PDGFRB: variants seen among roughly 807,000 people sequenced by gnomAD.
The protein encoded by PDGFRB is platelet-derived growth factor receptor beta.
In PDGFRB, 42 loss-of-function variants were observed where a neutral mutation model predicts 120.2. The observed-to-expected ratio is 0.35, with a 90% CI of 0.27 to 0.45. The LOEUF (loss-of-function observed/expected upper bound fraction) is 0.45, where lower values mean the gene tolerates loss of function less well. Among genes scored for constraint, PDGFRB ranks in the 20% least tolerant of loss-of-function variants. The pLI is 1.00. For synonymous variants in PDGFRB, 586 were observed against 606.8 expected, an observed-to-expected ratio of 0.97 and a Z score of 0.50; for missense variants, 1,149 against 1,476.3, an observed-to-expected ratio of 0.78 and a Z score of 3.63.
chr5:150,115,945 A>G lies in PDGFRB; in HGVS notation c.3139T>C (p.Ser1047Pro), dbSNP rs752920926. 28 of 1,561,690 alleles carry G rather than the reference A, an allele frequency of 1.8e-5. No homozygotes were observed. In the Admixed American group the frequency reaches 2.7e-4, roughly 15 times the overall value. The change falls in exon 23 of 23, where the codon TCC (serine) becomes CCC (proline). Residue 1047 changes from serine (S) to proline (P), a missense_variant and splice_region_variant. By Grantham distance (74) the Ser-to-Pro change is moderately conservative. This residue lies in a region of PDGFRB where 202 missense variants were observed against 214.3 expected (regional missense o/e 0.94). Transcript: ENST00000261799. ...GAGGTGTTGACTTCATTCAGGGTGG[A>G]GCTAGAGGAAAGAGGCAGTGAGTGA... The part of the protein sequence containing the change: ...PLEGSPSLAS[S>P]TLNEVNTSST...
At position 150,141,023 on chromosome 5, in the gene PDGFRB, G is replaced by T. The variant is rs919970612; in HGVS notation, c.-6-3970C>A. Among the ~76,000 whole-genome samples the T allele has an allele frequency of 3.3e-5, 5 of 152,170 alleles. No individual in the cohort carries two copies. In the South Asian group the frequency reaches 1.0e-3, roughly 32 times the overall value. ...GCATTGCTGCGGGGGTTGATGGGGGGAGCCTGCACATGGTCAGCACATACA... is the reference window on the plus strand; with the variant it reads ...GCATTGCTGCGGGGGTTGATGGGGGTAGCCTGCACATGGTCAGCACATACA... On this transcript the variant is annotated intron_variant, in intron 1 of 22. Transcript: ENST00000261799.
intron 1 of PDGFRB, among the ~76,000 whole-genome samples, chr5:150,145,784 C>T (rs1243245970): frequency 6.6e-6 from 1 of 152,038 alleles, no homozygotes; most frequent in East Asian, 1.9e-4. Context: ...GCCTGTAATC[C>T]CAGCTTCTCG....
In PDGFRB at chr5:150,132,842, C is replaced by G. The variant is rs55889271; in HGVS notation, c.1035G>C (p.Pro345=). ...TLQVVFEAYP[P]PTVLWFKDNR... is the part of the protein sequence containing the mutation. ...TGTCTTTGAACCACAGGACAGTGGG[C>G]GGTGGGTAGGCCTCGAACACTACCT... Residue 345 remains proline, a synonymous_variant, in exon 7 of 23, where the codon CCG becomes CCC. Transcript: ENST00000261799. The surrounding 1 kb of genome is among the most constrained non-coding windows in gnomAD (Gnocchi z 5.0). The G allele has an allele frequency of 1.2e-6, 2 of 1,610,240 alleles. No individual in the cohort carries two copies. The highest frequency in any genetic ancestry group is 4.5e-5 in the East Asian group (2 of 44,752).
At chr5:150,136,970 G>GC (rs764562945) in intron 2 of PDGFRB, 38 bp downstream of exon 2, 9 of 1,566,824 alleles carry the variant, frequency 5.7e-6, no homozygotes, top group East Asian at 2.2e-5. Context: ...CCACTCCGCA[G>GC]CCCCCCGGGT....
Position 150,121,145 on chromosome 5 carries a change from C to T in PDGFRB, c.2463+59G>A. The T allele has an allele frequency of 7.5e-7, 1 of 1,341,174 alleles. No homozygotes were observed. The highest frequency in any genetic ancestry group is 1.2e-5 in the South Asian group (1 of 85,530). 83.1% of individuals were successfully genotyped at this position (1,341,174 alleles called of 1,614,324 possible). A position where few individuals can be genotyped will look rare whatever the true frequency, so the allele number is the denominator to read the frequency against. ...CTGGTGTGCTCTTGGAGGATGCTGG[C>T]TGGCTGGGTGACCCACCTCCCCACA... On this transcript the variant is annotated intron_variant, in intron 17 of 22. Transcript: ENST00000261799. The surrounding 1 kb of genome is among the most constrained non-coding windows in gnomAD (Gnocchi z 4.1).
chr5:150,117,544 GCACA>G lies in PDGFRB; in HGVS notation c.3137+70_3137+73del, dbSNP rs3836743. The G allele has an allele frequency of 0.051, 25,874 of 510,000 alleles. 317 individuals are homozygous for G. Among genetic ancestry groups the G allele is most frequent in the East Asian group, 0.12 (3,812 of 31,376 alleles). 31.6% of individuals were successfully genotyped at this position (510,000 alleles called of 1,614,324 possible). ...AACCTGGCAGCGCGCGCGCGCGCGC[GCACA>G]CACACACACACACACACACACACAC... is the stretch of plus-strand genomic sequence containing the variant. On this transcript the variant is annotated intron_variant, in intron 22 of 22. Coordinates refer to ENST00000261799, the MANE Select transcript of PDGFRB (RefSeq NM_002609.4).
chr5:150,127,453 C>A (rs188587361), intron 10 of PDGFRB, among the ~76,000 whole-genome samples: 12 of 152,308 alleles, frequency 7.9e-5, no homozygotes, highest in African/African-American at 2.4e-4. Context: ...ATTGCTATAA[C>A]CTCAGTCCCT....
rs753583697 is a variant in PDGFRB at position 150,135,769 on chromosome 5, G to C, written c.150C>G (p.Phe50Leu). ...PELVLNVSSTFVLTCSGSAPV... is the reference protein window; with the variant it reads ...PELVLNVSSTLVLTCSGSAPV... ...GAGCTGAACCCGAGCAGGTCAGAAC[G>C]AAGGTGCTGGAGACATTGAGGACAA... The change falls in exon 3 of 23, where the codon TTC becomes TTG. Residue 50 changes from phenylalanine to leucine, a missense_variant. Around this residue, in one of 3 missense-constraint regions of PDGFRB, gnomAD observed 879 missense variants for 1,108.6 expected, o/e 0.79. Transcript: ENST00000261799. 6.2e-7 allele frequency: 1 copy of C among 1,613,042 alleles called. No homozygotes were observed. The highest frequency in any genetic ancestry group is 1.7e-5 in the Admixed American group (1 of 59,890).
At chr5:150,130,243 T>C (rs1760424616) in intron 9 of PDGFRB, among the ~76,000 whole-genome samples, 1 of 152,206 alleles carries the variant, frequency 6.6e-6, no homozygotes, top group Non-Finnish European at 1.5e-5. Context: ...CCTGCCTCTG[T>C]CCACTGCATT....
At position 150,126,607 on chromosome 5, in the gene PDGFRB, G is replaced by C; in HGVS notation, c.1587C>G (p.Pro529=). The C allele has an allele frequency of 1.3e-6, 2 of 1,593,756 alleles. No individual in the cohort carries two copies. Among genetic ancestry groups the C allele is most frequent in the Non-Finnish European group, 1.7e-6 (2 of 1,161,606 alleles). The change falls in exon 11 of 23, where the codon CCC becomes CCG. Residue 529 remains proline (P), a synonymous_variant. Coordinates refer to ENST00000261799, the MANE Select transcript of PDGFRB (RefSeq NM_002609.4). ...QEVIVVPHSL[P]FKVVVISAIL... ...TGGCTGAGATCACCACCACCTTAAA[G>C]GGCAAGGCTGGAGGCAGAGATGAGA... is the stretch of plus-strand genomic sequence containing the variant.
Position 150,135,587 on chromosome 5 carries a change from T to A in PDGFRB, c.332A>T (p.Asp111Val). ...THNDSRGLETDERKRLYIFVP... is the reference protein window; with the variant it reads ...THNDSRGLETVERKRLYIFVP... Reference sequence around the variant, plus strand: ...AAAGATGTAGAGCCGTTTCCGCTCATCGGTCTCCAGTCCACGGGAGTCATT... The same window carrying A: ...AAAGATGTAGAGCCGTTTCCGCTCAACGGTCTCCAGTCCACGGGAGTCATT... Residue 111 changes from aspartate to valine, a missense_variant, in exon 3 of 23, where the codon GAT becomes GTT. Coordinates refer to ENST00000261799, the MANE Select transcript of PDGFRB (RefSeq NM_002609.4). The A allele has an allele frequency of 6.2e-7, 1 of 1,612,478 alleles. No individual in the cohort carries two copies. Among genetic ancestry groups the A allele is most frequent in the South Asian group, 1.1e-5 (1 of 90,826 alleles).
intron 1 of PDGFRB, among the ~76,000 whole-genome samples, chr5:150,141,017 TG>T (rs996844380): frequency 2.0e-5 from 3 of 151,990 alleles, no homozygotes; most frequent in African/African-American, 7.3e-5. Flanking sequence ...CGGGGGTTGA[TG>T]GGGGGAGCCT....
At position 150,132,904 on chromosome 5, in the gene PDGFRB, G is replaced by A; in HGVS notation, c.973C>T (p.Leu325=). The A allele has an allele frequency of 6.3e-7, 1 of 1,583,384 alleles. No individual in the cohort carries two copies. Among genetic ancestry groups the A allele is most frequent in the Non-Finnish European group, 8.6e-7 (1 of 1,166,016 alleles). The change falls in exon 7 of 23, where the codon CTA becomes TTA. Residue 325 remains leucine (L), a synonymous_variant. Coordinates refer to ENST00000261799, the MANE Select transcript of PDGFRB (RefSeq NM_002609.4). This position sits in a 1 kb window ranked among gnomAD's most constrained non-coding sequence, Gnocchi z 5.0. ...CTCCGATGCAGCTCAGCAAATTGTA[G>A]TGTGCCCACCTCTCCCAGGAGCCGC... ...YVRLLGEVGT[L]QFAELHRSRT...
chr5:150,144,576 C>T (rs943316019), intron 1 of PDGFRB, among the ~76,000 whole-genome samples: 4 of 152,246 alleles, frequency 2.6e-5, no homozygotes, highest in South Asian at 2.1e-4. Context: ...GCCCGAGCCC[C>T]GCTCTCCTGC....
chr5:150,120,772 C>T lies in PDGFRB; in HGVS notation c.2586+116G>A. ...GCCCATCACTGCTGTCAGGGCAGGC[C>T]ACAAGGAGCCCCACACAGATTTCCT... On this transcript the variant is annotated intron_variant, in intron 18 of 22. Coordinates refer to ENST00000261799, the MANE Select transcript of PDGFRB (RefSeq NM_002609.4). This position sits in a 1 kb window ranked among gnomAD's most constrained non-coding sequence, Gnocchi z 4.3. The T allele has an allele frequency of 2.0e-6, 2 of 989,146 alleles. No individual in the cohort carries two copies. The highest frequency in any genetic ancestry group is 1.6e-5 in the African/African-American group (1 of 62,776). The allele number at this position is 989,146 out of a possible 1,614,324, so 61.3% of individuals were successfully genotyped here.
intron 13 of PDGFRB, 33 bp from the exon 14 acceptor site, chr5:150,124,393 G>T: frequency 6.7e-7 from 1 of 1,496,664 alleles, no homozygotes; most frequent in Non-Finnish European, 9.3e-7. Flanking sequence ...GCCAGGCCCA[G>T]TCATGGAGGC....
chr5:150,151,497 C>A (rs912766973), intron 1 of PDGFRB, among the ~76,000 whole-genome samples: 1 of 152,180 alleles, frequency 6.6e-6, no homozygotes, highest in Non-Finnish European at 1.5e-5. Context: ...GGTGCAAATC[C>A]CAGCTCCGCC....
chr5:150,131,638 C>T (rs886492995), intron 8 of PDGFRB, among the ~76,000 whole-genome samples: 2 of 152,076 alleles, frequency 1.3e-5, no homozygotes, highest in Admixed American at 1.3e-4. Flanking sequence ...AGTTCAAGAA[C>T]CTTGAAGAGA....
Position 150,115,725 on chromosome 5 carries a change from G to C in PDGFRB, c.*38C>G, listed in dbSNP as rs202160957. 1.5e-4 allele frequency: 224 copies of C among 1,526,984 alleles called. No individual in the cohort carries two copies. The East Asian group carries it at 3.3e-3, about 23-fold the overall frequency. 94.6% of individuals were successfully genotyped at this position (1,526,984 alleles called of 1,614,324 possible). ...CCAGGAGATGCTGGGTGCTGGCAGGGGGGGAGCTTCAGGCAGGGCAGGGTA... is the reference window on the plus strand; with the variant it reads ...CCAGGAGATGCTGGGTGCTGGCAGGCGGGGAGCTTCAGGCAGGGCAGGGTA... On this transcript the variant is annotated 3_prime_UTR_variant, in exon 23 of 23. Transcript: ENST00000261799.
Sources: gnomAD v4.1 joint callset for allele counts (sites outside exome capture counted in the v4.1 genomes callset) on GRCh38, gnomAD v4.1.1 for gene constraint, gnomAD v4.1.1 regional missense constraint, Gnocchi (gnomAD v3.1) non-coding constraint, MANE v1.5 for transcripts, NCBI Gene and HGNC (gene_info 2026-07-23, HGNC 2026-07-21) for gene names.